Variants in KCNIP4 observed in about 807,000 individuals in gnomAD.
The protein encoded by KCNIP4 is potassium voltage-gated channel interacting protein 4.
Under a neutral mutation model 34.0 loss-of-function variants are expected in KCNIP4, and 12 were observed. That is an observed-to-expected ratio of 0.35 (90% confidence interval 0.23 to 0.57). The LOEUF is 0.57. KCNIP4 is among the 20% of genes least tolerant of loss of function. The pLI is 0.83. For synonymous variants in KCNIP4, 124 were observed against 102.2 expected, an observed-to-expected ratio of 1.21 and a Z score of -1.29; for missense variants, 238 against 311.7, an observed-to-expected ratio of 0.76 and a Z score of 1.78.
chr4:21,767,729 C>T (rs778323791), intron 1 of KCNIP4, among the ~76,000 whole-genome samples: 13 of 151,756 alleles, frequency 8.6e-5, no homozygotes, highest in Non-Finnish European at 1.8e-4. Context: ...ATATACACAG[C>T]GGGGACCTAA....
intron 3 of KCNIP4, among the ~76,000 whole-genome samples, chr4:20,829,972 T>G (rs1718224198): frequency 6.6e-6 from 1 of 152,098 alleles, no homozygotes; most frequent in African/African-American, 2.4e-5. Context: ...CTAAGAGACA[T>G]CCTAACTCTC....
At chr4:21,905,317 G>A (rs1203352773) in intron 1 of KCNIP4, among the ~76,000 whole-genome samples, 1 of 152,138 alleles carries the variant, frequency 6.6e-6, no homozygotes. Flanking sequence ...CTGAGCAATG[G>A]GAATAGCTCA....
intron 1 of KCNIP4, among the ~76,000 whole-genome samples, chr4:21,863,705 A>G (rs1725245822): frequency 6.6e-6 from 1 of 152,172 alleles, no homozygotes; most frequent in South Asian, 2.1e-4. Context: ...AGGAGAAAAA[A>G]GGGAAAAAGA....
At chr4:21,687,291 C>T (rs1000006926) in intron 1 of KCNIP4, among the ~76,000 whole-genome samples, 1 of 145,840 alleles carries the variant, frequency 6.9e-6, no homozygotes, top group African/African-American at 2.5e-5. Flanking sequence ...GCACAATGTG[C>T]ACATATACCC....
chr4:21,419,076 C>T (rs554539949), intron 1 of KCNIP4, among the ~76,000 whole-genome samples: 97 of 152,288 alleles, frequency 6.4e-4, no homozygotes, highest in African/African-American at 2.1e-3. Context: ...CCATAATGCA[C>T]TATGCATGGA....
At chr4:20,755,603 C>G (rs546623977) in intron 4 of KCNIP4, among the ~76,000 whole-genome samples, 5 of 151,998 alleles carry the variant, frequency 3.3e-5, no homozygotes, top group Non-Finnish European at 5.9e-5. Context: ...AACAATGGTA[C>G]AAGTGAAATA....
chr4:21,238,092 T>C (rs528111847), intron 1 of KCNIP4, among the ~76,000 whole-genome samples: 5 of 152,244 alleles, frequency 3.3e-5, no homozygotes, highest in African/African-American at 7.2e-5. Flanking sequence ...AATCAATAAA[T>C]GTAATCCAGC....
At chr4:21,129,934 T>C (rs935530017) in intron 1 of KCNIP4, among the ~76,000 whole-genome samples, 1 of 151,988 alleles carries the variant, frequency 6.6e-6, no homozygotes, top group African/African-American at 2.4e-5. Context: ...TGTATATCAC[T>C]GACTCAAAGA....
intron 1 of KCNIP4, among the ~76,000 whole-genome samples, chr4:21,392,948 T>G (rs1347141556): frequency 6.6e-6 from 1 of 152,182 alleles, no homozygotes; most frequent in South Asian, 2.1e-4. Flanking sequence ...GAAGCAATAA[T>G]GTAACTAAGG....
intron 1 of KCNIP4, among the ~76,000 whole-genome samples, chr4:21,798,426 T>TATATATATA (rs55661046): frequency 7.0e-5 from 10 of 143,222 alleles, no homozygotes; most frequent in South Asian, 2.2e-4. Context: ...TATATATATA[T>TATATATATA]TTGCTGGGTG....
intron 1 of KCNIP4, among the ~76,000 whole-genome samples, chr4:21,484,033 G>C (rs991055457): frequency 4.0e-5 from 6 of 151,608 alleles, no homozygotes; most frequent in Non-Finnish European, 5.9e-5. Flanking sequence ...TTACCCAGTT[G>C]CAGGTATTTC....
At chr4:20,915,406 A>G (rs376161193) in intron 1 of KCNIP4, among the ~76,000 whole-genome samples, 1 of 152,090 alleles carries the variant, frequency 6.6e-6, no homozygotes, top group South Asian at 2.1e-4. Flanking sequence ...TGGGTGACAT[A>G]TACTCAGACT....
intron 1 of KCNIP4, among the ~76,000 whole-genome samples, chr4:21,110,961 AGG>A (rs1463661062): frequency 1.4e-4 from 22 of 152,206 alleles, no homozygotes; most frequent in Admixed American, 3.9e-4. Flanking sequence ...AATAAGTTTT[AGG>A]CTTCTTGGTT....
chr4:20,793,173 T>A (rs898665178), intron 3 of KCNIP4, among the ~76,000 whole-genome samples: 2 of 152,178 alleles, frequency 1.3e-5, no homozygotes, highest in Non-Finnish European at 2.9e-5. Flanking sequence ...GTCCTAAATG[T>A]CCATTTACAG....
At chr4:21,123,705 T>C (rs1237350381) in intron 1 of KCNIP4, among the ~76,000 whole-genome samples, 1 of 152,176 alleles carries the variant, frequency 6.6e-6, no homozygotes, top group South Asian at 2.1e-4. Context: ...GTGATGATAC[T>C]TGGAGGTTAT....
At chr4:21,108,386 G>A (rs149766932) in intron 1 of KCNIP4, among the ~76,000 whole-genome samples, 22,299 of 150,778 alleles carry the variant, frequency 0.15, 1,972 homozygotes, top group East Asian at 0.23. Flanking sequence ...CCAGTTGATC[G>A]CATCGGCTCC....
intron 1 of KCNIP4, among the ~76,000 whole-genome samples, chr4:21,067,145 T>C (rs901926954): frequency 6.6e-6 from 1 of 152,086 alleles, no homozygotes; most frequent in African/African-American, 2.4e-5. Flanking sequence ...TAGACACGCA[T>C]TGGGCCAGAA....
At chr4:21,705,907 A>T (rs1016104729) in intron 1 of KCNIP4, among the ~76,000 whole-genome samples, 1 of 152,154 alleles carries the variant, frequency 6.6e-6, no homozygotes, top group African/African-American at 2.4e-5. Context: ...CAGCATGATC[A>T]ATATTTTCTC....
chr4:21,474,508 T>C (rs1730749611), intron 1 of KCNIP4, among the ~76,000 whole-genome samples: 1 of 152,150 alleles, frequency 6.6e-6, no homozygotes, highest in South Asian at 2.1e-4. Flanking sequence ...TTCAAAACTA[T>C]AAATTGTGAA....
Sources: gnomAD v4.1 joint callset for allele counts (sites outside exome capture counted in the v4.1 genomes callset) on GRCh38, gnomAD v4.1.1 for gene constraint, MANE v1.5 for transcripts, NCBI Gene and HGNC (gene_info 2026-07-23, HGNC 2026-07-21) for gene names.